The following ERBB4 variants were observed in gnomAD, a reference collection of about 807,000 sequenced individuals.
ERBB4 encodes the protein receptor tyrosine-protein kinase erbB-4.
Under a neutral mutation model 158.0 loss-of-function variants are expected in ERBB4, and 42 were observed. That is an observed-to-expected ratio of 0.27 (90% CI 0.21 to 0.34). The LOEUF (loss-of-function observed/expected upper bound fraction) is 0.34, where lower values mean the gene tolerates loss of function less well. Among genes scored for constraint, ERBB4 ranks in the 10% least tolerant of loss-of-function variants. The pLI, the probability that ERBB4 is intolerant of heterozygous loss-of-function variation, is 1.00. For missense variants in ERBB4, 1,333 were observed against 1,624.1 expected, an observed-to-expected ratio of 0.82 and a Z score of 3.08; for synonymous variants, 583 against 558.7, an observed-to-expected ratio of 1.04 and a Z score of -0.61.
chr2:212,431,885 C>G (rs1430563602), intron 1 of ERBB4, among the ~76,000 whole-genome samples: 1 of 152,208 alleles, frequency 6.6e-6, no homozygotes, highest in Non-Finnish European at 1.5e-5. Flanking sequence ...AAACTATAAT[C>G]TCCCAACATT....
intron 3 of ERBB4, among the ~76,000 whole-genome samples, chr2:211,861,350 G>GTTTTTTTTTTTTTTTTTTTTTTT (rs67133944): frequency 2.0e-4 from 18 of 88,944 alleles, no homozygotes; most frequent in East Asian, 7.1e-4. Context: ...TTTTTTTTTT[G>GTTTTTTTTTTTTTTTTTTTTTTT]TTTTTTTTTT....
At chr2:211,608,639 C>T (rs1450342986) in intron 19 of ERBB4, among the ~76,000 whole-genome samples, 2 of 152,052 alleles carry the variant, frequency 1.3e-5, no homozygotes, top group East Asian at 3.9e-4. Context: ...GAAAATATTT[C>T]TGCTATTAAT....
intron 1 of ERBB4, among the ~76,000 whole-genome samples, chr2:212,364,410 GA>G (rs1429993072): frequency 1.3e-5 from 2 of 151,674 alleles, no homozygotes; most frequent in African/African-American, 4.8e-5. Flanking sequence ...GCAATTTGCA[GA>G]GTAGGGAAGC....
chr2:211,696,235 C>T (rs758838200), intron 12 of ERBB4, among the ~76,000 whole-genome samples: 5 of 152,030 alleles, frequency 3.3e-5, no homozygotes, highest in African/African-American at 1.2e-4. Context: ...CTCAGCCTCC[C>T]GAGTAGCTGG....
At chr2:212,459,835 T>C (rs113174912) in intron 1 of ERBB4, among the ~76,000 whole-genome samples, 3,546 of 152,242 alleles carry the variant, frequency 0.023, 56 homozygotes, top group African/African-American at 0.045. Context: ...AACATCCATG[T>C]GAGAAAGGAC....
intron 1 of ERBB4, among the ~76,000 whole-genome samples, chr2:212,132,533 T>C (rs982694702): frequency 3.9e-5 from 6 of 151,916 alleles, no homozygotes; most frequent in African/African-American, 9.7e-5. Context: ...CAGAGGAAAA[T>C]GGAATTTTCT....
Position 211,935,265 on chromosome 2 carries a change from C to T in ERBB4, c.421+12165G>A, listed in dbSNP as rs1183140250. Among the ~76,000 whole-genome samples the T allele has an allele frequency of 4.6e-5, 7 of 152,038 alleles. No homozygotes were observed. The East Asian group carries it at 9.6e-4, about 21-fold the overall frequency. ...CACCTTGACTGGATTAAGAAATACC[C>T]GGAAACCTGGTAAAGCTTTATTTTA... On this transcript the variant is annotated intron_variant, in intron 3 of 27. Transcript: ENST00000342788.
intron 2 of ERBB4, among the ~76,000 whole-genome samples, chr2:212,053,062 A>C (rs1257940678): frequency 6.6e-6 from 1 of 152,082 alleles, no homozygotes; most frequent in Non-Finnish European, 1.5e-5. Context: ...CTCATGCCTA[A>C]AGCCCAGCAC....
chr2:211,579,940 G>T lies in ERBB4; in HGVS notation c.2302-17852C>A, dbSNP rs532969441. On this transcript the variant is annotated intron_variant, in intron 19 of 27. Coordinates refer to ENST00000342788, the MANE Select transcript of ERBB4 (RefSeq NM_005235.3). ...TAACCTACGTAACAAACCTGCACATGTAGCCCAGAACTTAAAATAAAAATA... is the reference window on the plus strand; with the variant it reads ...TAACCTACGTAACAAACCTGCACATTTAGCCCAGAACTTAAAATAAAAATA... Among the ~76,000 whole-genome samples the T allele has an allele frequency of 1.1e-4, 17 of 152,262 alleles. No homozygotes were observed. In the South Asian group the frequency reaches 3.5e-3, roughly 32 times the overall value.
Position 212,386,572 on chromosome 2 carries a change from T to TAAA in ERBB4, c.82+151874_82+151876dup, listed in dbSNP as rs36107803. ...CAAATATACTACTTCCTTTCTTTCTTAAAAAAAAAAAAAAAAACCCATTAA... is the reference window on the plus strand; with the variant it reads ...CAAATATACTACTTCCTTTCTTTCTTAAAAAAAAAAAAAAAAAAAACCCATTAA... On this transcript the variant is annotated intron_variant, in intron 1 of 27. Coordinates refer to ENST00000342788, the MANE Select transcript of ERBB4 (RefSeq NM_005235.3). 8.2e-4 allele frequency among the ~76,000 whole-genome samples: 111 copies of TAAA among 135,940 alleles called. 1 individual carries two copies. The highest frequency in any genetic ancestry group is 2.5e-3 in the African/African-American group (91 of 37,088). The allele number at this position is 135,940 out of a possible 152,430, so 89.2% of individuals were successfully genotyped here. A position where few individuals can be genotyped will look rare whatever the true frequency, so the allele number is the denominator to read the frequency against.
At chr2:211,421,145 T>C (rs1417488938) in intron 24 of ERBB4, among the ~76,000 whole-genome samples, 2 of 151,978 alleles carry the variant, frequency 1.3e-5, no homozygotes, top group Non-Finnish European at 2.9e-5. Context: ...AAAACCTTTG[T>C]TATGCTCTTC....
intron 17 of ERBB4, among the ~76,000 whole-genome samples, chr2:211,627,586 C>T (rs1258567306): frequency 1.3e-5 from 2 of 152,142 alleles, no homozygotes; most frequent in Non-Finnish European, 2.9e-5. Context: ...AATTCATTAT[C>T]GGTATGCAAA....
chr2:211,716,098 C>G (rs1217735560), intron 7 of ERBB4, among the ~76,000 whole-genome samples: 1 of 152,190 alleles, frequency 6.6e-6, no homozygotes, highest in African/African-American at 2.4e-5. Flanking sequence ...CACAGTGGCT[C>G]ACGCCTGTAA....
intron 14 of ERBB4, among the ~76,000 whole-genome samples, chr2:211,669,911 A>G (rs544388068): frequency 6.6e-6 from 1 of 152,296 alleles, no homozygotes; most frequent in African/African-American, 2.4e-5. Context: ...AACTTTCTTT[A>G]TATTTTAAAG....
chr2:211,699,542 C>T (rs1575007659), intron 12 of ERBB4, among the ~76,000 whole-genome samples: 1 of 151,842 alleles, frequency 6.6e-6, no homozygotes, highest in Non-Finnish European at 1.5e-5. Flanking sequence ...GACTGAAGTC[C>T]AAATTTTGAT....
chr2:211,721,211 G>A (rs1451082765), intron 7 of ERBB4, among the ~76,000 whole-genome samples: 1 of 152,076 alleles, frequency 6.6e-6, no homozygotes, highest in Non-Finnish European at 1.5e-5. Flanking sequence ...TTTCATTTGT[G>A]ACAACATGTC....
At chr2:211,884,815 T>C (rs2078752926) in intron 3 of ERBB4, among the ~76,000 whole-genome samples, 1 of 152,128 alleles carries the variant, frequency 6.6e-6, no homozygotes, top group Non-Finnish European at 1.5e-5. Context: ...GTTGAAAAAA[T>C]TAACCATAAC....
chr2:211,868,439 A>G (rs13002674), intron 3 of ERBB4, among the ~76,000 whole-genome samples: 28,374 of 152,170 alleles, frequency 0.19, 3,033 homozygotes, highest in South Asian at 0.32. Context: ...GGTTCTTCCT[A>G]TATGTCTGAT....
intron 12 of ERBB4, among the ~76,000 whole-genome samples, chr2:211,690,460 G>A (rs2072762587): frequency 6.6e-6 from 1 of 152,066 alleles, no homozygotes; most frequent in Admixed American, 6.6e-5. Flanking sequence ...GCTGTCTAAT[G>A]CCTCCCTAAG....
Sources: gnomAD v4.1 joint callset for allele counts (sites outside exome capture counted in the v4.1 genomes callset) on GRCh38, gnomAD v4.1.1 for gene constraint, MANE v1.5 for transcripts, NCBI Gene and HGNC (gene_info 2026-07-23, HGNC 2026-07-21) for gene names.